ATP5PF: variants seen among roughly 807,000 people sequenced by gnomAD.
ATP5PF encodes ATP synthase peripheral stalk subunit F6, mitochondrial.
In ATP5PF, 7 loss-of-function variants were observed where a neutral mutation model predicts 12.0. The ratio of observed to expected loss-of-function variants is 0.58; its 90% CI spans 0.33 to 1.10. ATP5PF has a LOEUF of 1.10. Ranked by LOEUF, ATP5PF falls within the 50% of genes least tolerant of loss-of-function variation. The pLI is 0.03. For missense variants in ATP5PF, 120 were observed against 127.7 expected, an observed-to-expected ratio of 0.94 and a Z score of 0.29; for synonymous variants, 41 against 45.4, an observed-to-expected ratio of 0.90 and a Z score of 0.39.
intron 1 of ATP5PF, among the ~76,000 whole-genome samples, chr21:25,730,074 C>T (rs1010145303): frequency 6.6e-6 from 1 of 152,140 alleles, no homozygotes; most frequent in African/African-American, 2.4e-5. Context: ...GTATTTCTTC[C>T]CCCTTGAACT....
At chr21:25,733,407 GT>G (rs2034862775) in intron 1 of ATP5PF, among the ~76,000 whole-genome samples, 1 of 152,112 alleles carries the variant, frequency 6.6e-6, no homozygotes, top group African/African-American at 2.4e-5. Flanking sequence ...GCGGGCACCT[GT>G]AGTCCCAGCT....
In ATP5PF at chr21:25,725,311, C is replaced by T. The variant is rs765659991; in HGVS notation, c.204G>A (p.Gln68=). 13 of 1,612,568 alleles carry T rather than the reference C, an allele frequency of 8.1e-6. 1 individual carries two copies. The South Asian group carries it at 1.4e-4, about 18-fold the overall frequency. ...GGPVDASSEY[Q]QELERELFKL... ...TAAAAAGCTCCCTCTCCAGCTCTTG[C>T]TGATACTCTGAACTAGCATCAACAG... Residue 68 remains glutamine, a synonymous_variant, in exon 3 of 4, where the codon CAG becomes CAA. Coordinates refer to ENST00000284971, the MANE Select transcript of ATP5PF (RefSeq NM_001003703.2).
chr21:25,732,771 G>C (rs555650048), intron 1 of ATP5PF, among the ~76,000 whole-genome samples: 2 of 152,000 alleles, frequency 1.3e-5, no homozygotes, highest in South Asian at 4.2e-4. Flanking sequence ...GATCACCTGA[G>C]GTAGGGATTC....
At chr21:25,729,874 C>A in intron 1 of ATP5PF, 73 bp from the exon 2 acceptor site, 1 of 1,462,248 alleles carries the variant, frequency 6.8e-7, no homozygotes, top group South Asian at 1.3e-5. Context: ...TCATGAGAAT[C>A]AAATTCTACT....
At chr21:25,734,948 C>T (rs762816031), upstream of ATP5PF, 2 of 1,576,124 alleles carry the variant, frequency 1.3e-6, no homozygotes, top group Non-Finnish European at 1.7e-6. Context: ...CCCGCCATCG[C>T]AATGCATTAT....
At chr21:25,735,125 T>C, upstream of ATP5PF, 1 of 710,838 alleles carries the variant, frequency 1.4e-6, no homozygotes, top group South Asian at 1.6e-5. Flanking sequence ...TTCGCCTAAT[T>C]TGACCCGTTC....
intron 1 of ATP5PF, among the ~76,000 whole-genome samples, chr21:25,731,161 G>C (rs569192736): frequency 6.6e-6 from 1 of 152,238 alleles, no homozygotes; most frequent in East Asian, 1.9e-4. Context: ...AGAATCACTT[G>C]AACTCAGGAG....
At chr21:25,730,306 A>G (rs911317646) in intron 1 of ATP5PF, among the ~76,000 whole-genome samples, 1 of 152,242 alleles carries the variant, frequency 6.6e-6, no homozygotes, top group Non-Finnish European at 1.5e-5. Flanking sequence ...CAACTAAATC[A>G]AAGTCCAGAA....
intron 2 of ATP5PF, among the ~76,000 whole-genome samples, chr21:25,726,597 GC>G: frequency 6.6e-6 from 1 of 152,194 alleles, no homozygotes. Context: ...ATCATGGGAG[GC>G]CCGGAATGTT....
At chr21:25,735,117 C>T, upstream of ATP5PF, 5 of 740,944 alleles carry the variant, frequency 6.7e-6, no homozygotes, top group Admixed American at 2.1e-5. Flanking sequence ...ATCTTTTCTT[C>T]GCCTAATTTG....
chr21:25,734,684 G>A (rs1265747584), intron 1 of ATP5PF, 169 bp downstream of exon 1: 1 of 666,852 alleles, frequency 1.5e-6, no homozygotes. Context: ...AAACTCCAAG[G>A]TCTACAAACG....
chr21:25,732,791 C>T (rs999287774), intron 1 of ATP5PF, among the ~76,000 whole-genome samples: 5 of 151,810 alleles, frequency 3.3e-5, no homozygotes, highest in African/African-American at 9.7e-5. Flanking sequence ...CAAGATCAGC[C>T]TGACCAACAT....
intron 1 of ATP5PF, among the ~76,000 whole-genome samples, chr21:25,730,101 A>G (rs1200035968): frequency 6.6e-6 from 1 of 152,222 alleles, no homozygotes; most frequent in Non-Finnish European, 1.5e-5. Flanking sequence ...TGGATCAGAG[A>G]AAACAGTAGA....
chr21:25,729,978 T>G (rs2034717378), intron 1 of ATP5PF, among the ~76,000 whole-genome samples, 177 bp from the exon 2 acceptor site: 1 of 152,240 alleles, frequency 6.6e-6, no homozygotes, highest in African/African-American at 2.4e-5. Context: ...TTTTTAGGTC[T>G]TAACCAAAAG....
chr21:25,733,504 G>C lies in ATP5PF; in HGVS notation c.-8+1349C>G, dbSNP rs144587150. 6.5e-3 allele frequency among the ~76,000 whole-genome samples: 994 copies of C among 152,060 alleles called. 8 individuals are homozygous for C. The highest frequency in any genetic ancestry group is 0.027 in the Middle Eastern group (8 of 294). ...ATCGTGCCACTGCAATCCAGCCTGGGCGACAGAGCGAGACTCTGTCTCAAA... is the reference window on the plus strand; with the variant it reads ...ATCGTGCCACTGCAATCCAGCCTGGCCGACAGAGCGAGACTCTGTCTCAAA... On this transcript the variant is annotated intron_variant, in intron 1 of 3. Transcript: ENST00000284971.
At chr21:25,733,408 T>C (rs891724635) in intron 1 of ATP5PF, among the ~76,000 whole-genome samples, 2 of 152,058 alleles carry the variant, frequency 1.3e-5, no homozygotes, top group African/African-American at 4.8e-5. Flanking sequence ...CGGGCACCTG[T>C]AGTCCCAGCT....
At chr21:25,735,254 G>A (rs1389416918), upstream of ATP5PF, 3 of 532,546 alleles carry the variant, frequency 5.6e-6, no homozygotes, top group African/African-American at 3.8e-5. Context: ...AGTGTATAAA[G>A]GTGCAGGGAA....
chr21:25,725,439 T>A, intron 2 of ATP5PF, 89 bp from the exon 3 acceptor site: 4 of 373,270 alleles, frequency 1.1e-5, no homozygotes, highest in African/African-American at 2.2e-5. Flanking sequence ...CCAACAGATC[T>A]TTTTTTTTTT....
At chr21:25,729,551 A>G in intron 2 of ATP5PF, 80 bp downstream of exon 2, 3 of 1,336,660 alleles carry the variant, frequency 2.2e-6, no homozygotes, top group Non-Finnish European at 3.0e-6. Flanking sequence ...ACTTTCAAAT[A>G]CCAAGTCATT....
Sources: allele counts gnomAD v4.1 joint callset (sites outside exome capture counted in the v4.1 genomes callset), GRCh38; gene constraint gnomAD v4.1.1; transcripts MANE v1.5; gene names NCBI Gene and HGNC (gene_info 2026-07-23, HGNC 2026-07-21).